The following ANO3 variants were observed in gnomAD, a reference collection of about 807,000 sequenced individuals.
ANO3 encodes anoctamin 3.
In ANO3, 99 loss-of-function variants were observed where a neutral mutation model predicts 144.8. The ratio of observed to expected loss-of-function variants is 0.68; its 90% CI spans 0.58 to 0.81. The LOEUF is 0.81. Ranked by LOEUF, ANO3 falls within the 30% of genes least tolerant of loss-of-function variation. The pLI, the probability that ANO3 is intolerant of heterozygous loss-of-function variation, is 0.00. For synonymous variants in ANO3, 414 were observed against 392.6 expected, an observed-to-expected ratio of 1.05 and a Z score of -0.64; for missense variants, 905 against 1,202.2, an observed-to-expected ratio of 0.75 and a Z score of 3.66.
intron 23 of ANO3, among the ~76,000 whole-genome samples, chr11:26,643,611 C>G (rs1052813988): frequency 6.6e-6 from 1 of 151,948 alleles, no homozygotes; most frequent in Admixed American, 6.6e-5. Context: ...CAAAATTAGC[C>G]GGGCATGGTG....
At chr11:26,438,611 A>AAG (rs1858388702) in intron 1 of ANO3, among the ~76,000 whole-genome samples, 6 of 35,514 alleles carry the variant, frequency 1.7e-4, no homozygotes, top group Non-Finnish European at 2.9e-4. Flanking sequence ...AAAAAAAAGA[A>AAG]AAAAAAAAAA....
chr11:26,355,943 C>T (rs1855771564), intron 1 of ANO3, among the ~76,000 whole-genome samples: 1 of 152,162 alleles, frequency 6.6e-6, no homozygotes, highest in South Asian at 2.1e-4. Flanking sequence ...CAACTTCTTT[C>T]CAATCTATAA....
intron 18 of ANO3, among the ~76,000 whole-genome samples, chr11:26,633,097 A>C (rs886729202): frequency 6.6e-6 from 1 of 152,256 alleles, no homozygotes; most frequent in South Asian, 2.1e-4. Context: ...GGGCTAGTGC[A>C]TGTGTTGGTG....
At chr11:26,494,973 A>G (rs1565059989) in intron 4 of ANO3, among the ~76,000 whole-genome samples, 1 of 152,216 alleles carries the variant, frequency 6.6e-6, no homozygotes, top group Non-Finnish European at 1.5e-5. Flanking sequence ...AAATTAAGCC[A>G]TCCACTTCAA....
At chr11:26,365,834 T>A (rs1450043990) in intron 1 of ANO3, among the ~76,000 whole-genome samples, 1 of 152,042 alleles carries the variant, frequency 6.6e-6, no homozygotes, top group Non-Finnish European at 1.5e-5. Flanking sequence ...GAAATAACTT[T>A]GAGGCCTTTT....
chr11:26,593,152 C>T (rs563016497), intron 14 of ANO3, among the ~76,000 whole-genome samples: 2 of 152,198 alleles, frequency 1.3e-5, no homozygotes, highest in South Asian at 2.1e-4. Context: ...GATAGATGTT[C>T]CCTCGGAAGT....
intron 4 of ANO3, among the ~76,000 whole-genome samples, chr11:26,487,227 C>A (rs1860488181): frequency 6.6e-6 from 1 of 152,212 alleles, no homozygotes; most frequent in African/African-American, 2.4e-5. Flanking sequence ...CTTTCCCACG[C>A]TATTCTCATG....
At chr11:26,439,564 G>T (rs1858437979) in intron 1 of ANO3, among the ~76,000 whole-genome samples, 1 of 152,188 alleles carries the variant, frequency 6.6e-6, no homozygotes, top group Non-Finnish European at 1.5e-5. Context: ...ACGACTCTGT[G>T]CATATACTAA....
intron 1 of ANO3, among the ~76,000 whole-genome samples, chr11:26,367,223 A>C (rs1253186454): frequency 6.6e-6 from 1 of 152,232 alleles, no homozygotes; most frequent in Non-Finnish European, 1.5e-5. Flanking sequence ...TCTTTGCCAC[A>C]TGGCAAGGCT....
chr11:26,551,035 A>T (rs1849918553), intron 12 of ANO3, among the ~76,000 whole-genome samples: 1 of 152,012 alleles, frequency 6.6e-6, no homozygotes, highest in African/African-American at 2.4e-5. Context: ...AAAAGCAATG[A>T]TTTATCCATA....
At chr11:26,261,076 T>A (rs185768706) in intron 1 of ANO3, among the ~76,000 whole-genome samples, 3,008 of 152,316 alleles carry the variant, frequency 0.02, 62 homozygotes, top group East Asian at 0.12. Flanking sequence ...ATAATCTTCA[T>A]GAACAAACAT....
chr11:26,282,849 A>G (rs1338679783), intron 1 of ANO3, among the ~76,000 whole-genome samples: 1 of 152,142 alleles, frequency 6.6e-6, no homozygotes, highest in African/African-American at 2.4e-5. Flanking sequence ...AAAAGAAATT[A>G]TATATTTGTC....
intron 4 of ANO3, among the ~76,000 whole-genome samples, chr11:26,479,885 G>C (rs951887056): frequency 3.3e-5 from 5 of 152,040 alleles, no homozygotes; most frequent in African/African-American, 1.2e-4. Flanking sequence ...TCTTTATTTT[G>C]TATCAATCAT....
intron 18 of ANO3, among the ~76,000 whole-genome samples, chr11:26,629,876 C>G (rs921883635): frequency 6.6e-6 from 1 of 152,136 alleles, no homozygotes; most frequent in Non-Finnish European, 1.5e-5. Context: ...GGTGATCTGC[C>G]CGCCTTGGCC....
chr11:26,278,233 G>A (rs573202786), intron 1 of ANO3, among the ~76,000 whole-genome samples: 3 of 152,194 alleles, frequency 2.0e-5, no homozygotes, highest in Admixed American at 6.5e-5. Context: ...TTAACTCTAG[G>A]ATGAACAACA....
At chr11:26,332,488 G>A (rs148323928) in intron 1 of ANO3, among the ~76,000 whole-genome samples, 167 bp downstream of exon 1, 114 of 148,676 alleles carry the variant, frequency 7.7e-4, no homozygotes, top group Non-Finnish European at 1.2e-3. Flanking sequence ...CTGCATCCTA[G>A]ATGAGTGATT....
At chr11:26,622,439 A>G (rs1030831152) in intron 17 of ANO3, among the ~76,000 whole-genome samples, 4 of 151,534 alleles carry the variant, frequency 2.6e-5, no homozygotes, top group South Asian at 4.2e-4. Flanking sequence ...TGAAAAAAAA[A>G]AAAAGAAAAG....
chr11:26,592,525 G>C (rs752385886), intron 14 of ANO3, among the ~76,000 whole-genome samples: 1 of 150,874 alleles, frequency 6.6e-6, no homozygotes, highest in South Asian at 2.1e-4. Flanking sequence ...CCCAACCAGT[G>C]AAAGTATCTA....
In ANO3 at chr11:26,591,209, C is replaced by G. The variant is rs187938173; in HGVS notation, c.1448-7156C>G. Among the ~76,000 whole-genome samples the G allele has an allele frequency of 3.9e-5, 6 of 152,218 alleles. No homozygotes were observed. In the East Asian group the frequency reaches 9.7e-4, roughly 25 times the overall value. ...AATCCAGCTAGTACTGCCTCTCAGT[C>G]CCCACTCTCAACAGGAAAACTCAAG... is the stretch of plus-strand genomic sequence containing the variant. On this transcript the variant is annotated intron_variant, in intron 14 of 26. Transcript: ENST00000256737.
Sources: allele counts gnomAD v4.1 joint callset (sites outside exome capture counted in the v4.1 genomes callset), GRCh38; gene constraint gnomAD v4.1.1; transcripts MANE v1.5; gene names NCBI Gene and HGNC (gene_info 2026-07-23, HGNC 2026-07-21).